Variants in PIP5K1B observed in about 807,000 individuals in gnomAD.
PIP5K1B encodes phosphatidylinositol 4-phosphate 5-kinase type-1 beta.
PIP5K1B carries 42 observed loss-of-function variants against 67.0 expected under a neutral mutation model. The ratio of observed to expected loss-of-function variants is 0.63; its 90% CI spans 0.49 to 0.81. The LOEUF is 0.81. Ranked by LOEUF, PIP5K1B falls within the 30% of genes least tolerant of loss-of-function variation. The pLI is 0.00. For missense variants in PIP5K1B, 459 were observed against 646.3 expected (o/e 0.71, Z 3.14); for synonymous variants, 214 against 231.4 (o/e 0.92, Z 0.68).
chr9:68,743,771 A>G (rs1829134547), intron 2 of PIP5K1B, among the ~76,000 whole-genome samples: 1 of 152,176 alleles, frequency 6.6e-6, no homozygotes, highest in Non-Finnish European at 1.5e-5. Flanking sequence ...TTTGCTTTTC[A>G]TGACACTAAG....
intron 4 of PIP5K1B, among the ~76,000 whole-genome samples, chr9:68,844,064 G>T (rs1386380013): frequency 1.3e-5 from 2 of 152,196 alleles, no homozygotes; most frequent in Admixed American, 6.5e-5. Context: ...AACATTTTTA[G>T]ACTGATAACT....
rs774258226 is a variant in PIP5K1B, at chr9:68,934,917, G to A, written c.1229G>A (p.Arg410Gln). The change falls in exon 13 of 16, where the codon CGG becomes CAG. Residue 410 changes from arginine to glutamine, a missense_variant. Coordinates refer to ENST00000265382, the MANE Select transcript of PIP5K1B (RefSeq NM_003558.4). ...QALKASPSKK[R>Q]CNSIAALKAT... ...TTGAAGGCTTCACCGTCTAAGAAAC[G>A]GTGCAATTCAATCGCCGCCCTAAAG... 4.3e-6 allele frequency: 7 copies of A among 1,611,552 alleles called. No individual in the cohort carries two copies. Among genetic ancestry groups the A allele is most frequent in the South Asian group, 3.3e-5 (3 of 90,656 alleles).
chr9:68,734,219 T>C (rs1828611544), intron 1 of PIP5K1B, among the ~76,000 whole-genome samples: 1 of 152,192 alleles, frequency 6.6e-6, no homozygotes. Context: ...AGGCACAAAG[T>C]ATATACAGAA....
rs143751151 is a variant in PIP5K1B, at chr9:68,788,474, T to TTTTTGTTGTTTTGTTTTG, written c.-85-29980_-85-29979insGTTTTGTTTTGTTTTGTT. On this transcript the variant is annotated intron_variant, in intron 2 of 15. Transcript: ENST00000265382. The stretch of plus-strand genomic sequence containing the variant: ...ATATTAGAGGAAGATATCAGGAAGG[T>TTTTTGTTGTTTTGTTTTG]TTTTGTTTTGTTTTGTTTTGTTTTG... 419 of 291,768 alleles carry TTTTTGTTGTTTTGTTTTG rather than the reference T, an allele frequency of 1.4e-3. 1 individual carries two copies. The highest frequency in any genetic ancestry group is 8.8e-3 in the African/African-American group (382 of 43,358). 18.1% of individuals were successfully genotyped at this position (291,768 alleles called of 1,614,324 possible).
intron 4 of PIP5K1B, among the ~76,000 whole-genome samples, chr9:68,840,299 C>T (rs1039056709): frequency 6.6e-6 from 1 of 151,938 alleles, no homozygotes; most frequent in African/African-American, 2.4e-5. Flanking sequence ...ATCGCTTGAA[C>T]CCAGGAGGCG....
At chr9:68,985,406 C>T (rs1339490486) in intron 14 of PIP5K1B, among the ~76,000 whole-genome samples, 1 of 152,130 alleles carries the variant, frequency 6.6e-6, no homozygotes, top group East Asian at 1.9e-4. Context: ...CTCCCACCAC[C>T]ACGCCTGGCT....
At chr9:68,813,366 G>A (rs1007127405) in intron 2 of PIP5K1B, among the ~76,000 whole-genome samples, 3 of 152,214 alleles carry the variant, frequency 2.0e-5, no homozygotes, top group Non-Finnish European at 2.9e-5. Context: ...TGTTGACTAT[G>A]AGGAGATATT....
intron 2 of PIP5K1B, among the ~76,000 whole-genome samples, chr9:68,802,431 A>AATGG (rs377615270): frequency 0.018 from 2,718 of 152,102 alleles, 37 homozygotes; most frequent in Middle Eastern, 0.044. Flanking sequence ...ATGGATAGAA[A>AATGG]ATGGATGGAT....
intron 1 of PIP5K1B, among the ~76,000 whole-genome samples, chr9:68,708,382 A>C (rs1827223652): frequency 6.6e-6 from 1 of 152,256 alleles, no homozygotes; most frequent in Non-Finnish European, 1.5e-5. Context: ...GTAAATTCCC[A>C]ACACATAAGA....
chr9:68,963,460 G>C (rs1224651828), intron 14 of PIP5K1B: 1 of 241,632 alleles, frequency 4.1e-6, no homozygotes, highest in African/African-American at 2.3e-5. Context: ...CTGAGATTAT[G>C]CCATTGCACT....
chr9:68,764,160 C>G (rs1830322904), intron 2 of PIP5K1B, among the ~76,000 whole-genome samples: 1 of 117,988 alleles, frequency 8.5e-6, no homozygotes, highest in African/African-American at 3.2e-5. Context: ...TCCAGTTCAT[C>G]TTGATTTTTT....
intron 15 of PIP5K1B, among the ~76,000 whole-genome samples, chr9:68,996,881 A>G (rs1830621795): frequency 6.6e-6 from 1 of 152,224 alleles, no homozygotes; most frequent in Admixed American, 6.5e-5. Context: ...TGCTTCTACT[A>G]TTCATACCCA....
At chr9:68,726,318 A>G (rs1828147631) in intron 1 of PIP5K1B, among the ~76,000 whole-genome samples, 1 of 152,230 alleles carries the variant, frequency 6.6e-6, no homozygotes, top group Non-Finnish European at 1.5e-5. Context: ...CTGATGACCT[A>G]TACCAAGTGA....
At chr9:68,917,413 C>G (rs1197534732) in intron 8 of PIP5K1B, 135 bp from the exon 9 acceptor site, 2 of 697,640 alleles carry the variant, frequency 2.9e-6, no homozygotes, top group South Asian at 3.5e-5. Context: ...TATTTTGATT[C>G]TTCATCTCTC....
Position 68,780,909 on chromosome 9 carries a change from A to C in PIP5K1B, c.-85-37552A>C, listed in dbSNP as rs763757644. 23 of 1,614,134 alleles carry C rather than the reference A, an allele frequency of 1.4e-5. No individual in the cohort carries two copies. Among genetic ancestry groups the C allele is most frequent in the Non-Finnish European group, 1.9e-5 (23 of 1,180,056 alleles). Reference sequence around the variant, plus strand: ...TTCGGATACCCTTGATGGAAACAGCAGCAGTGCCGGATCTTCTTGTAACTC... The same window carrying C: ...TTCGGATACCCTTGATGGAAACAGCCGCAGTGCCGGATCTTCTTGTAACTC... On this transcript the variant is annotated intron_variant, in intron 2 of 15. Coordinates refer to ENST00000265382, the MANE Select transcript of PIP5K1B (RefSeq NM_003558.4).
At chr9:68,718,798 T>C (rs1489538516) in intron 1 of PIP5K1B, among the ~76,000 whole-genome samples, 1 of 152,210 alleles carries the variant, frequency 6.6e-6, no homozygotes, top group Non-Finnish European at 1.5e-5. Flanking sequence ...TGGCCCTACT[T>C]TGCTGTCTTC....
chr9:69,008,493 C>T lies in PIP5K1B; in HGVS notation c.*44C>T, dbSNP rs774834422. On this transcript the variant is annotated 3_prime_UTR_variant, in exon 16 of 16. Transcript: ENST00000265382. The stretch of plus-strand genomic sequence containing the variant: ...TAAGCACATGGATGAGACGTGAGCA[C>T]AGTTATGGCAGAGAAGTTTCTCCGC... 6.2e-7 allele frequency: 1 copy of T among 1,601,614 alleles called. No individual in the cohort carries two copies. The highest frequency in any genetic ancestry group is 2.2e-5 in the East Asian group (1 of 44,810).
chr9:68,962,192 A>T (rs1047602397), intron 14 of PIP5K1B, among the ~76,000 whole-genome samples: 13 of 152,182 alleles, frequency 8.5e-5, no homozygotes, highest in African/African-American at 3.1e-4. Flanking sequence ...TTTTTAATTT[A>T]AAATACTGAT....
chr9:68,848,217 C>T (rs981249073), intron 4 of PIP5K1B, among the ~76,000 whole-genome samples: 1 of 152,150 alleles, frequency 6.6e-6, no homozygotes, highest in African/African-American at 2.4e-5. Context: ...CCATTCATTC[C>T]CCATCAAAAG....
Sources: gnomAD v4.1 joint callset for allele counts (sites outside exome capture counted in the v4.1 genomes callset) on GRCh38, gnomAD v4.1.1 for gene constraint, MANE v1.5 for transcripts, NCBI Gene and HGNC (gene_info 2026-07-23, HGNC 2026-07-21) for gene names.